FRYL: variants seen among roughly 807,000 people sequenced by gnomAD.
FRYL encodes the protein FRY like transcription coactivator, also known as protein furry homolog-like.
A neutral mutation model predicts 351.2 loss-of-function variants in FRYL; 150 were observed. That is an observed-to-expected ratio of 0.43 (90% CI 0.37 to 0.49). The LOEUF (loss-of-function observed/expected upper bound fraction) is 0.49. FRYL is among the 20% of genes least tolerant of loss of function. FRYL has a pLI of 0.00. For synonymous variants in FRYL, 1,153 were observed against 1,257.1 expected (o/e 0.92, Z 1.75); for missense variants, 3,036 against 3,619.3 (o/e 0.84, Z 4.13).
intron 23 of FRYL, 78 bp from the exon 24 acceptor site, chr4:48,576,300 A>ATT: frequency 9.1e-7 from 1 of 1,096,576 alleles, no homozygotes; most frequent in African/African-American, 1.7e-5. Context: ...CTAATGCTAA[A>ATT]TTTCTTTTTT....
intron 3 of FRYL, among the ~76,000 whole-genome samples, chr4:48,671,022 C>T (rs1385921337): frequency 1.3e-5 from 2 of 152,150 alleles, no homozygotes; most frequent in East Asian, 1.9e-4. Context: ...GAGGAACCTC[C>T]GTACAGTTCT....
intron 60 of FRYL, among the ~76,000 whole-genome samples, chr4:48,504,070 A>G (rs1720347786): frequency 6.6e-6 from 1 of 152,138 alleles, no homozygotes; most frequent in Admixed American, 6.5e-5. Context: ...GCTCTGAATT[A>G]CCAGCAATTA....
rs1413328271 is a variant in FRYL at position 48,562,934 on chromosome 4, A to G, written c.3651T>C (p.Ala1217=). ...MLLNLILFKA[A]DSSRSIYEVA... Reference sequence around the variant, plus strand: ...CTTCATAGATACTTCTAGAAGAATCAGCTGCTTTAAACAGTATCAGATTTA... The same window carrying G: ...CTTCATAGATACTTCTAGAAGAATCGGCTGCTTTAAACAGTATCAGATTTA... Residue 1217 remains alanine (A), a synonymous_variant, in exon 32 of 64, where the codon GCT becomes GCC. Transcript: ENST00000358350. The G allele has an allele frequency of 6.2e-7, 1 of 1,610,252 alleles. No individual in the cohort carries two copies. The highest frequency in any genetic ancestry group is 8.5e-7 in the Non-Finnish European group (1 of 1,177,198).
At chr4:48,709,640 T>C (rs1202662105) in intron 2 of FRYL, among the ~76,000 whole-genome samples, 2 of 152,106 alleles carry the variant, frequency 1.3e-5, no homozygotes, top group Non-Finnish European at 2.9e-5. Flanking sequence ...GTTCATAAAG[T>C]GTTGGGATTA....
At chr4:48,664,113 G>A (rs1026996207) in intron 3 of FRYL, among the ~76,000 whole-genome samples, 2 of 152,084 alleles carry the variant, frequency 1.3e-5, no homozygotes, top group Admixed American at 6.6e-5. Flanking sequence ...GGCTGACCAC[G>A]GTTAAAGTGC....
At chr4:48,649,566 A>G (rs1467171798) in intron 3 of FRYL, among the ~76,000 whole-genome samples, 2 of 152,214 alleles carry the variant, frequency 1.3e-5, no homozygotes, top group African/African-American at 2.4e-5. Context: ...GCTTTGTCTT[A>G]TCAATTTTAG....
chr4:48,773,946 C>A (rs1179944839), intron 1 of FRYL, among the ~76,000 whole-genome samples: 1 of 152,124 alleles, frequency 6.6e-6, no homozygotes, highest in Admixed American at 6.5e-5. Context: ...TAAATAAGTA[C>A]CTTTCTAAAC....
chr4:48,534,115 A>G (rs1220867960), intron 49 of FRYL, among the ~76,000 whole-genome samples: 1 of 152,146 alleles, frequency 6.6e-6, no homozygotes, highest in Non-Finnish European at 1.5e-5. Context: ...AATCCCAGCT[A>G]CTTAGGAGGC....
chr4:48,727,115 AT>A lies in FRYL; in HGVS notation c.-383-16418del, dbSNP rs532732364. Among the ~76,000 whole-genome samples, 3 of 152,228 alleles carry A rather than the reference AT, an allele frequency of 2.0e-5. No homozygotes were observed. The South Asian group carries it at 6.2e-4, about 32-fold the overall frequency. ...CTTTGGAATCAGTAATCTCATCTCA[AT>A]TTTTAAAGATTTTTAAATAGCAGGC... On this transcript the variant is annotated intron_variant, in intron 1 of 63. Transcript: ENST00000358350.
At chr4:48,765,309 G>A (rs1468682183) in intron 1 of FRYL, among the ~76,000 whole-genome samples, 2 of 152,002 alleles carry the variant, frequency 1.3e-5, no homozygotes, top group Non-Finnish European at 2.9e-5. Flanking sequence ...AACAGATAGA[G>A]ACCAATAGAA....
In FRYL at chr4:48,546,268, C is replaced by A; in HGVS notation, c.5078G>T (p.Gly1693Val). 1 of 1,611,346 alleles carries A rather than the reference C, an allele frequency of 6.2e-7. No homozygotes were observed. Among genetic ancestry groups the A allele is most frequent in the Non-Finnish European group, 8.5e-7 (1 of 1,177,840 alleles). ...VAHLDYNFTAGINDFIPDYQP... is the reference protein window; with the variant it reads ...VAHLDYNFTAVINDFIPDYQP... ...GTAATCAGGTATAAAATCGTTAATG[C>A]CTGCTGAAAGAGAAAGATCGTCATG... Residue 1693 changes from glycine (G) to valine (V), a missense_variant, in exon 42 of 64, where the codon GGC (glycine) becomes GTC (valine). Gly to Val is a moderately radical substitution (Grantham distance 109, BLOSUM62 -3). This residue lies in a region of FRYL where 1,987 missense variants were observed against 2,311.7 expected (regional missense o/e 0.86). Transcript: ENST00000358350.
At chr4:48,513,465 A>C (rs1722903736) in intron 56 of FRYL, among the ~76,000 whole-genome samples, 2 of 152,224 alleles carry the variant, frequency 1.3e-5, no homozygotes, top group African/African-American at 4.8e-5. Context: ...AAAGATGAAG[A>C]TGTATTTGGG....
At chr4:48,607,586 AAGATTC>A (rs1394826117) in intron 9 of FRYL, among the ~76,000 whole-genome samples, 1 of 152,146 alleles carries the variant, frequency 6.6e-6, no homozygotes, top group African/African-American at 2.4e-5. Flanking sequence ...TACATACACC[AAGATTC>A]AAATATACCT....
At chr4:48,504,118 AGT>A (rs138891510) in intron 60 of FRYL, among the ~76,000 whole-genome samples, 13 of 151,616 alleles carry the variant, frequency 8.6e-5, no homozygotes, top group Admixed American at 3.3e-4. Flanking sequence ...TTTGTGGATG[AGT>A]GTGTGTGTGT....
At chr4:48,550,914 T>C (rs1330787800) in intron 37 of FRYL, among the ~76,000 whole-genome samples, 1 of 151,992 alleles carries the variant, frequency 6.6e-6, no homozygotes, top group African/African-American at 2.4e-5. Flanking sequence ...TCTACTAAAA[T>C]ACCAAAAATT....
intron 13 of FRYL, chr4:48,598,958 GC>G: frequency 2.3e-6 from 1 of 444,344 alleles, no homozygotes; most frequent in Non-Finnish European, 3.0e-6. Context: ...AAACAAGACA[GC>G]TCTTCACCAA....
chr4:48,560,525 T>A (rs1735250330), intron 33 of FRYL, among the ~76,000 whole-genome samples: 1 of 152,146 alleles, frequency 6.6e-6, no homozygotes, highest in Admixed American at 6.5e-5. Context: ...AACAGTTACA[T>A]GATCTCTTGA....
At chr4:48,512,435 A>T (rs1250459576) in intron 57 of FRYL, 46 bp downstream of exon 57, 1 of 1,378,338 alleles carries the variant, frequency 7.3e-7, no homozygotes, top group East Asian at 2.3e-5. Flanking sequence ...CTGTAACTTG[A>T]TTAGGTAACT....
At chr4:48,632,511 T>G (rs1578439575) in intron 4 of FRYL, among the ~76,000 whole-genome samples, 1 of 150,814 alleles carries the variant, frequency 6.6e-6, no homozygotes, top group African/African-American at 2.4e-5. Flanking sequence ...TATAGGCTTT[T>G]GTAATCCTTA....
Sources: gnomAD v4.1 joint callset for allele counts (sites outside exome capture counted in the v4.1 genomes callset) on GRCh38, gnomAD v4.1.1 for gene constraint, gnomAD v4.1.1 regional missense constraint, MANE v1.5 for transcripts, NCBI Gene and HGNC (gene_info 2026-07-23, HGNC 2026-07-21) for gene names.